Variants in ANKRD16 observed in about 807,000 individuals in gnomAD.
The protein encoded by ANKRD16 is ankyrin repeat domain-containing protein 16.
A neutral mutation model predicts 37.9 loss-of-function variants in ANKRD16; 35 were observed. The ratio of observed to expected loss-of-function variants is 0.92; its 90% CI spans 0.71 to 1.23. The LOEUF (loss-of-function observed/expected upper bound fraction) is 1.23. Ranked by LOEUF, ANKRD16 falls within the 50% of genes most tolerant of loss-of-function variation. The probability of loss-of-function intolerance (pLI) is 0.00; values close to 1 mark genes in which losing one functional copy is unlikely to be tolerated. For synonymous variants in ANKRD16, 206 were observed against 197.2 expected (o/e 1.04, Z -0.37); for missense variants, 480 against 469.9 (o/e 1.02, Z -0.20).
rs1169400823 is a variant in ANKRD16, at chr10:5,870,401, CTGCT to C, written c.*33+7692_*33+7695del. 1.3e-5 allele frequency among the ~76,000 whole-genome samples: 2 copies of C among 149,492 alleles called. No individual in the cohort carries two copies. The highest frequency in any genetic ancestry group is 5.0e-5 in the African/African-American group (2 of 39,642). On this transcript the variant is annotated intron_variant, in intron 7 of 7. Coordinates refer to ENST00000380094, the MANE Select transcript of ANKRD16 (RefSeq NM_019046.3). This position sits in a 1 kb window ranked among gnomAD's most constrained non-coding sequence, Gnocchi z 5.0. Reference sequence around the variant, plus strand: ...CCAGCCAGTCCTCATTCCCTCCCTACTGCTTTTTTTTTTTTTTTTTGAAACAGGG... The same window carrying C: ...CCAGCCAGTCCTCATTCCCTCCCTACTTTTTTTTTTTTTTTTGAAACAGGG...
chr10:5,878,362 C>T lies in ANKRD16; in HGVS notation c.929-75G>A. On this transcript the variant is annotated intron_variant, in intron 6 of 7. Coordinates refer to ENST00000380094, the MANE Select transcript of ANKRD16 (RefSeq NM_019046.3). This position sits in a 1 kb window ranked among gnomAD's most constrained non-coding sequence, Gnocchi z 5.1. ...ATACTGACCTCATGAGTTGATAGTGCCCAATAAAAATATCAATTCTTTCAA... is the reference window on the plus strand; with the variant it reads ...ATACTGACCTCATGAGTTGATAGTGTCCAATAAAAATATCAATTCTTTCAA... The T allele has an allele frequency of 2.3e-6, 3 of 1,305,152 alleles. No individual in the cohort carries two copies. Among genetic ancestry groups the T allele is most frequent in the Non-Finnish European group, 3.1e-6 (3 of 956,010 alleles). The allele number at this position is 1,305,152 out of a possible 1,614,324, so 80.8% of individuals were successfully genotyped here.
At position 5,871,345 on chromosome 10, in the gene ANKRD16, C is replaced by T. The variant is rs559998205; in HGVS notation, c.*33+6752G>A. Among the ~76,000 whole-genome samples the T allele has an allele frequency of 7.3e-4, 111 of 152,064 alleles. No individual in the cohort carries two copies. Among genetic ancestry groups the T allele is most frequent in the Non-Finnish European group, 1.4e-3 (94 of 68,000 alleles). On this transcript the variant is annotated intron_variant, in intron 7 of 7. Coordinates refer to ENST00000380094, the MANE Select transcript of ANKRD16 (RefSeq NM_019046.3). The surrounding 1 kb of genome is among the most constrained non-coding windows in gnomAD (Gnocchi z 4.5). ...GAGGTTGCTGTGAGCCGAGATTGAG[C>T]CATTGCACTCTAGCCTGGGCGACAG...
In ANKRD16 at chr10:5,889,185, G is replaced by A; in HGVS notation, c.170C>T (p.Ala57Val). 6.3e-7 allele frequency: 1 copy of A among 1,597,708 alleles called. No homozygotes were observed. The highest frequency in any genetic ancestry group is 8.5e-7 in the Non-Finnish European group (1 of 1,179,244). The change falls in exon 1 of 8, where the codon GCC becomes GTC. Residue 57 changes from alanine (A) to valine (V), a missense_variant. Physicochemically the swap from Ala to Val is moderately conservative, Grantham distance 64 (BLOSUM62 0). Transcript: ENST00000380094. ...HGHRDVLAYL[A>V]EAWGMDIEAT... ...CTCGATGTCCATGCCCCAGGCCTCG[G>A]CCAGATAGGCCAGCACGTCCCGATG... is the stretch of plus-strand genomic sequence containing the variant.
chr10:5,880,459 C>CA, intron 5 of ANKRD16, 83 bp from the exon 6 acceptor site: 1 of 761,174 alleles, frequency 1.3e-6, no homozygotes, highest in Non-Finnish European at 2.1e-6. Flanking sequence ...AGACAGGTCT[C>CA]AATCAATTTA....
chr10:5,882,961 G>C, intron 5 of ANKRD16, 45 bp downstream of exon 5: 1 of 1,594,090 alleles, frequency 6.3e-7, no homozygotes, highest in Non-Finnish European at 8.5e-7. Flanking sequence ...AAGAAGTAAG[G>C]CAAGCCTCAG....
At chr10:5,887,703 C>CCCCCCCCCCCCCCCCCCA (rs1842457124) in intron 2 of ANKRD16, 144 bp downstream of exon 2, 2 of 153,058 alleles carry the variant, frequency 1.3e-5, no homozygotes, top group African/African-American at 5.1e-5. Flanking sequence ...CCACCCCCTC[C>CCCCCCCCCCCCCCCCCCA]CCCCCAGATG....
Position 5,880,175 on chromosome 10 carries a change from TAAAAAAAAAAAAAAAAAA to T in ANKRD16, c.928+105_928+122del, listed in dbSNP as rs56264154. Reference sequence around the variant, plus strand: ...ACTCTTGTCTCAACACCACCACCACTAAAAAAAAAAAAAAAAAAAAAAAAAAAAAGGAAGAATATTAAA... The same window carrying T: ...ACTCTTGTCTCAACACCACCACCACTAAAAAAAAAAAGGAAGAATATTAAA... On this transcript the variant is annotated intron_variant, in intron 6 of 7. Transcript: ENST00000380094. The T allele has an allele frequency of 5.3e-5, 6 of 112,586 alleles. 1 individual carries two copies. The Admixed American group carries it at 1.0e-3, about 19-fold the overall frequency. The allele number at this position is 112,586 out of a possible 1,614,324, so 7.0% of individuals were successfully genotyped here.
At position 5,882,803 on chromosome 10, in the gene ANKRD16, T is replaced by A. The variant is rs181635767; in HGVS notation, c.849+203A>T. 1.5e-3 allele frequency: 741 copies of A among 503,804 alleles called. 2 individuals are homozygous for A. The highest frequency in any genetic ancestry group is 0.012 in the African/African-American group (619 of 51,250). 31.2% of individuals were successfully genotyped at this position (503,804 alleles called of 1,614,324 possible). ...CTTTATGGAGTAAAAGGCTTTTTTT[T>A]AAAGTTTTGTCTAGCAACAAATTCA... On this transcript the variant is annotated intron_variant, in intron 5 of 7. Coordinates refer to ENST00000380094, the MANE Select transcript of ANKRD16 (RefSeq NM_019046.3).
chr10:5,884,919 C>T (rs185712075), intron 3 of ANKRD16, among the ~76,000 whole-genome samples: 1 of 152,252 alleles, frequency 6.6e-6, no homozygotes, highest in Non-Finnish European at 1.5e-5. Flanking sequence ...GGTCCCTTGC[C>T]TCCCGCTTTC....
chr10:5,880,575 G>T (rs1442272507), intron 5 of ANKRD16, among the ~76,000 whole-genome samples, 199 bp from the exon 6 acceptor site: 3 of 152,026 alleles, frequency 2.0e-5, no homozygotes, highest in East Asian at 1.9e-4. Flanking sequence ...AAGAGGGCTG[G>T]AGTGAAGAGG....
chr10:5,885,784 C>T lies in ANKRD16; in HGVS notation c.536-19G>A. 1 of 1,597,036 alleles carries T rather than the reference C, an allele frequency of 6.3e-7. No homozygotes were observed. Among genetic ancestry groups the T allele is most frequent in the Non-Finnish European group, 8.5e-7 (1 of 1,175,046 alleles). ...TGCATTGCTGGGAGGAGAAAGAAAG[C>T]TGAGAATTAGAGCTTTTTAGTGCAC... On this transcript the variant is annotated intron_variant, in intron 2 of 7. Transcript: ENST00000380094.
intron 2 of ANKRD16, 107 bp from the exon 3 acceptor site, chr10:5,885,872 A>C (rs1480786668): frequency 6.2e-6 from 7 of 1,121,624 alleles, no homozygotes; most frequent in East Asian, 4.9e-5. Flanking sequence ...GATAGCTTAC[A>C]AGAAGGAGTC....
chr10:5,875,364 T>C (rs1313559580), intron 7 of ANKRD16, among the ~76,000 whole-genome samples: 1 of 152,064 alleles, frequency 6.6e-6, no homozygotes, highest in Non-Finnish European at 1.5e-5. Flanking sequence ...ATGACAAAAA[T>C]CAGTCCAAGG....
Position 5,870,530 on chromosome 10 carries a change from G to A in ANKRD16, c.*33+7567C>T, listed in dbSNP as rs988958284. On this transcript the variant is annotated intron_variant, in intron 7 of 7. Transcript: ENST00000380094. The surrounding 1 kb of genome is among the most constrained non-coding windows in gnomAD (Gnocchi z 5.0). ...GGAATTCTCCCACCTCAGCTTCCTT[G>A]GTAGCTGGGACTACAGGCACACCAC... Among the ~76,000 whole-genome samples the A allele has an allele frequency of 6.6e-6, 1 of 151,576 alleles. No homozygotes were observed. The highest frequency in any genetic ancestry group is 2.4e-5 in the African/African-American group (1 of 41,226).
intron 5 of ANKRD16, 112 bp downstream of exon 5, chr10:5,882,894 G>T: frequency 8.6e-7 from 1 of 1,158,320 alleles, no homozygotes; most frequent in Non-Finnish European, 1.2e-6. Flanking sequence ...GAATATCATG[G>T]GCAATTTCTT....
rs1841942589 is a variant in ANKRD16 at position 5,861,715 on chromosome 10, C to T, written c.*1010G>A. Reference sequence around the variant, plus strand: ...TTGACATTTATTATTTACTACACATCAGACACGGTGTTAAGTGGCTTAGAT... The same window carrying T: ...TTGACATTTATTATTTACTACACATTAGACACGGTGTTAAGTGGCTTAGAT... On this transcript the variant is annotated 3_prime_UTR_variant, in exon 8 of 8. Transcript: ENST00000380094. 1 of 151,772 alleles carries T rather than the reference C, an allele frequency of 6.6e-6. No individual in the cohort carries two copies. 9.4% of individuals were successfully genotyped at this position (151,772 alleles called of 1,614,324 possible). A position where few individuals can be genotyped will look rare whatever the true frequency, so the allele number is the denominator to read the frequency against.
In ANKRD16 at chr10:5,871,067, C is replaced by G. The variant is rs1181188637; in HGVS notation, c.*33+7030G>C. Among the ~76,000 whole-genome samples, 1 of 152,206 alleles carries G rather than the reference C, an allele frequency of 6.6e-6. No individual in the cohort carries two copies. The highest frequency in any genetic ancestry group is 6.5e-5 in the Admixed American group (1 of 15,282). Reference sequence around the variant, plus strand: ...CGATTGGCAGAGGCCAGCCCTCACTCCCATCTTGTTTCCTTCTCAGTAAAA... The same window carrying G: ...CGATTGGCAGAGGCCAGCCCTCACTGCCATCTTGTTTCCTTCTCAGTAAAA... On this transcript the variant is annotated intron_variant, in intron 7 of 7. Coordinates refer to ENST00000380094, the MANE Select transcript of ANKRD16 (RefSeq NM_019046.3). The surrounding 1 kb of genome is among the most constrained non-coding windows in gnomAD (Gnocchi z 4.5).
chr10:5,876,545 T>G lies in ANKRD16; in HGVS notation c.*33+1552A>C, dbSNP rs1842188806. 3.3e-5 allele frequency among the ~76,000 whole-genome samples: 5 copies of G among 152,156 alleles called. No individual in the cohort carries two copies. In the South Asian group the frequency reaches 1.0e-3, roughly 32 times the overall value. On this transcript the variant is annotated intron_variant, in intron 7 of 7. Coordinates refer to ENST00000380094, the MANE Select transcript of ANKRD16 (RefSeq NM_019046.3). Reference sequence around the variant, plus strand: ...AGGCATCTCTGGAGGAACAGAAAAGTGGTAACTACATCTCAAATCAGTGCA... The same window carrying G: ...AGGCATCTCTGGAGGAACAGAAAAGGGGTAACTACATCTCAAATCAGTGCA...
chr10:5,873,760 C>G (rs1842140770), intron 7 of ANKRD16, among the ~76,000 whole-genome samples: 1 of 152,154 alleles, frequency 6.6e-6, no homozygotes, highest in Admixed American at 6.6e-5. Context: ...CTTTTGCCAT[C>G]TCGTTTCCAT....
Sources: gnomAD v4.1 joint callset for allele counts (sites outside exome capture counted in the v4.1 genomes callset) on GRCh38, gnomAD v4.1.1 for gene constraint, Gnocchi (gnomAD v3.1) non-coding constraint, MANE v1.5 for transcripts, NCBI Gene and HGNC (gene_info 2026-07-23, HGNC 2026-07-21) for gene names.